The following PACRG variants were observed in gnomAD, a reference collection of about 807,000 sequenced individuals.
The protein encoded by PACRG is parkin coregulated gene protein.
In PACRG, 29 loss-of-function variants were observed where a neutral mutation model predicts 29.7. That is an observed-to-expected ratio of 0.98 (90% CI 0.73 to 1.33). PACRG has a LOEUF of 1.33. PACRG is among the 40% of genes most tolerant of loss of function. The pLI, the probability that PACRG is intolerant of heterozygous loss-of-function variation, is 0.00. For missense variants in PACRG, 279 were observed against 316.2 expected, an observed-to-expected ratio of 0.88 and a Z score of 0.89; for synonymous variants, 116 against 118.7, an observed-to-expected ratio of 0.98 and a Z score of 0.15.
At chr6:163,115,395 T>C (rs755677888) in intron 4 of PACRG, among the ~76,000 whole-genome samples, 1 of 152,142 alleles carries the variant, frequency 6.6e-6, no homozygotes, top group Admixed American at 6.5e-5. Context: ...GTGGTAAAGC[T>C]TGATATGCTG....
At chr6:163,235,730 T>G (rs1375785306) in intron 4 of PACRG, among the ~76,000 whole-genome samples, 1 of 152,200 alleles carries the variant, frequency 6.6e-6, no homozygotes, top group Non-Finnish European at 1.5e-5. Flanking sequence ...TCATCTATAT[T>G]ATAGGGATTT....
intron 2 of PACRG, among the ~76,000 whole-genome samples, chr6:163,018,986 A>G (rs938561930): frequency 1.3e-5 from 2 of 151,924 alleles, no homozygotes; most frequent in Non-Finnish European, 2.9e-5. Flanking sequence ...TGTTCCTTCC[A>G]ATTTAGGCAT....
At chr6:163,004,735 TATACAC>T (rs1376735129) in intron 2 of PACRG, among the ~76,000 whole-genome samples, 1 of 138,006 alleles carries the variant, frequency 7.2e-6, no homozygotes, top group Non-Finnish European at 1.5e-5. Flanking sequence ...TGTATATATA[TATACAC>T]ACACACACAC....
chr6:163,182,022 G>A (rs1298950419), intron 4 of PACRG, among the ~76,000 whole-genome samples: 1 of 152,174 alleles, frequency 6.6e-6, no homozygotes, highest in South Asian at 2.1e-4. Flanking sequence ...ACCTCTCTTA[G>A]GTAGGGTGTA....
At chr6:163,235,526 C>T (rs1015745684) in intron 4 of PACRG, among the ~76,000 whole-genome samples, 9 of 152,144 alleles carry the variant, frequency 5.9e-5, no homozygotes, top group Non-Finnish European at 2.9e-5. Context: ...TCCTCAAGGT[C>T]CTTCTCCTTG....
At chr6:163,176,235 A>T (rs1017432793) in intron 4 of PACRG, among the ~76,000 whole-genome samples, 5 of 152,218 alleles carry the variant, frequency 3.3e-5, no homozygotes, top group Non-Finnish European at 5.9e-5. Context: ...ACAGAAGGTG[A>T]TCAGAACAAA....
chr6:163,313,048 A>G, intron 4 of PACRG, among the ~76,000 whole-genome samples: 1 of 151,770 alleles, frequency 6.6e-6, no homozygotes, highest in East Asian at 1.9e-4. Context: ...GAGTCACTGT[A>G]TCCAGCATCT....
At chr6:163,112,071 G>T in intron 4 of PACRG, 1 of 957,304 alleles carries the variant, frequency 1.0e-6, no homozygotes, top group Non-Finnish European at 1.2e-6. Flanking sequence ...ATTTTTAAAA[G>T]CAAGGCATTG....
chr6:163,058,592 T>A (rs1387594760), intron 2 of PACRG, among the ~76,000 whole-genome samples: 1 of 151,596 alleles, frequency 6.6e-6, no homozygotes, highest in Non-Finnish European at 1.5e-5. Flanking sequence ...AAAAAATCTC[T>A]ACTTAAAAAA....
At chr6:163,071,874 T>A (rs1280610340) in intron 3 of PACRG, among the ~76,000 whole-genome samples, 2 of 151,560 alleles carry the variant, frequency 1.3e-5, no homozygotes, top group African/African-American at 4.9e-5. Context: ...CTACCTAGGT[T>A]GAATCATAAA....
At chr6:163,207,939 TATGGATG>T (rs1780974475) in intron 4 of PACRG, among the ~76,000 whole-genome samples, 1 of 152,212 alleles carries the variant, frequency 6.6e-6, no homozygotes, top group Non-Finnish European at 1.5e-5. Context: ...GTGGATACCA[TATGGATG>T]TCGCTGAGAA....
intron 2 of PACRG, among the ~76,000 whole-genome samples, chr6:163,019,781 C>T (rs1372036012): frequency 3.9e-5 from 6 of 152,182 alleles, no homozygotes; most frequent in African/African-American, 1.4e-4. Context: ...TTTTGCTATC[C>T]TAGTTGCTTT....
intron 1 of PACRG, among the ~76,000 whole-genome samples, chr6:162,730,659 T>C (rs1779695159): frequency 6.6e-6 from 1 of 152,140 alleles, no homozygotes; most frequent in African/African-American, 2.4e-5. Context: ...ATTGAAAAAA[T>C]AATGATAAAT....
chr6:163,250,969 A>C (rs993931619), intron 4 of PACRG, among the ~76,000 whole-genome samples: 17 of 151,486 alleles, frequency 1.1e-4, no homozygotes, highest in African/African-American at 2.9e-4. Context: ...AGTGACCTGG[A>C]TGAGACTGGA....
chr6:162,959,221 C>T (rs1044244525), intron 2 of PACRG, among the ~76,000 whole-genome samples: 2 of 151,838 alleles, frequency 1.3e-5, no homozygotes, highest in Admixed American at 1.3e-4. Context: ...GCCTGGCCAA[C>T]ACATGGATAT....
intron 2 of PACRG, among the ~76,000 whole-genome samples, chr6:162,899,725 A>T (rs746393305): frequency 6.6e-6 from 1 of 152,214 alleles, no homozygotes; most frequent in Non-Finnish European, 1.5e-5. Flanking sequence ...GTCACTTGGC[A>T]TGGCAAGAAA....
At chr6:163,108,449 C>T (rs1156498313) in intron 4 of PACRG, among the ~76,000 whole-genome samples, 3 of 138,376 alleles carry the variant, frequency 2.2e-5, no homozygotes, top group Non-Finnish European at 4.5e-5. Context: ...GGCTGGAACG[C>T]AGTGGTGCAG....
intron 2 of PACRG, among the ~76,000 whole-genome samples, chr6:162,959,062 C>T (rs1403052014): frequency 4.0e-5 from 6 of 148,326 alleles, no homozygotes; most frequent in East Asian, 2.0e-4. Context: ...TACAGGTGCA[C>T]GACACCATGC....
intron 1 of PACRG, among the ~76,000 whole-genome samples, chr6:162,746,515 A>G (rs1780995843): frequency 6.6e-6 from 1 of 152,210 alleles, no homozygotes; most frequent in Non-Finnish European, 1.5e-5. Flanking sequence ...TTTCTTAAGG[A>G]AATGTTATAT....
Sources: gnomAD v4.1 joint callset for allele counts (sites outside exome capture counted in the v4.1 genomes callset) on GRCh38, gnomAD v4.1.1 for gene constraint, MANE v1.5 for transcripts, NCBI Gene and HGNC (gene_info 2026-07-23, HGNC 2026-07-21) for gene names.